OPCML: variants seen among roughly 807,000 people sequenced by gnomAD.
The protein encoded by OPCML is opioid binding protein/cell adhesion molecule like, also known as opioid-binding protein/cell adhesion molecule.
OPCML carries 13 observed loss-of-function variants against 37.8 expected under a neutral mutation model. The observed-to-expected ratio is 0.34, with a 90% CI of 0.22 to 0.55. The LOEUF (loss-of-function observed/expected upper bound fraction) is 0.55, where lower values mean the gene tolerates loss of function less well. OPCML is among the 20% of genes least tolerant of loss of function. The probability of loss-of-function intolerance (pLI) is 0.91; values close to 1 mark genes in which losing one functional copy is unlikely to be tolerated. For missense variants in OPCML, 341 were observed against 435.6 expected (o/e 0.78, Z 1.93); for synonymous variants, 176 against 168.8 (o/e 1.04, Z -0.33).
chr11:132,589,746 C>G (rs920730444), intron 3 of OPCML, among the ~76,000 whole-genome samples: 1 of 151,858 alleles, frequency 6.6e-6, no homozygotes, highest in African/African-American at 2.4e-5. Flanking sequence ...GGCAGAGTGA[C>G]TGGAGCATAG....
Position 132,557,860 on chromosome 11 carries a change from A to G in OPCML, c.380-28674T>C, listed in dbSNP as rs192121266. 1.5e-3 allele frequency among the ~76,000 whole-genome samples: 231 copies of G among 152,328 alleles called. 1 individual carries two copies. Among genetic ancestry groups the G allele is most frequent in the African/African-American group, 5.3e-3 (219 of 41,572 alleles). The stretch of plus-strand genomic sequence containing the variant: ...TCAGAAAAGGCTCTGCAGAAGATGC[A>G]ACATTGTGGTCTTTTAGAGGTATTT... On this transcript the variant is annotated intron_variant, in intron 3 of 7. Coordinates refer to ENST00000524381, the MANE Select transcript of OPCML (RefSeq NM_001012393.5).
Position 132,509,781 on chromosome 11 carries a change from AG to A in OPCML, c.505+19279del, listed in dbSNP as rs539839849. 1.2e-4 allele frequency among the ~76,000 whole-genome samples: 19 copies of A among 152,304 alleles called. No individual in the cohort carries two copies. In the East Asian group the frequency reaches 3.7e-3, roughly 29 times the overall value. On this transcript the variant is annotated intron_variant, in intron 4 of 7. Coordinates refer to ENST00000524381, the MANE Select transcript of OPCML (RefSeq NM_001012393.5). ...GGATGCCCAGGCAAAAGTTTGCTGCAGGGGTGGGGCCCTCATGGAGAACCTC... is the reference window on the plus strand; with the variant it reads ...GGATGCCCAGGCAAAAGTTTGCTGCAGGGTGGGGCCCTCATGGAGAACCTC...
At chr11:133,510,138 C>T (rs555952358) in intron 1 of OPCML, among the ~76,000 whole-genome samples, 1 of 152,304 alleles carries the variant, frequency 6.6e-6, no homozygotes, top group South Asian at 2.1e-4. Context: ...CACTTCCTGA[C>T]ACACAAGTTT....
At chr11:133,219,191 G>T (rs1411981800) in intron 1 of OPCML, among the ~76,000 whole-genome samples, 1 of 152,164 alleles carries the variant, frequency 6.6e-6, no homozygotes, top group Non-Finnish European at 1.5e-5. Context: ...TCTATATCTA[G>T]TTTTGCAGTG....
At chr11:133,407,441 A>G (rs188521251) in intron 1 of OPCML, among the ~76,000 whole-genome samples, 217 of 152,234 alleles carry the variant, frequency 1.4e-3, no homozygotes, top group Non-Finnish European at 2.5e-3. Context: ...AGAGAGCTTC[A>G]TTATGGAAAC....
chr11:132,490,645 C>T (rs1327636186), intron 4 of OPCML, among the ~76,000 whole-genome samples: 1 of 151,804 alleles, frequency 6.6e-6, no homozygotes, highest in African/African-American at 2.4e-5. Flanking sequence ...AGTGAAACCC[C>T]GTCTCTACTA....
chr11:133,074,110 G>A (rs1215830386), intron 1 of OPCML, among the ~76,000 whole-genome samples: 3 of 152,124 alleles, frequency 2.0e-5, no homozygotes, highest in Non-Finnish European at 2.9e-5. Flanking sequence ...AGAGCCCTTG[G>A]GGCCATACAG....
chr11:133,474,272 C>CAG (rs1947184428), intron 1 of OPCML, among the ~76,000 whole-genome samples: 1 of 152,172 alleles, frequency 6.6e-6, no homozygotes, highest in Non-Finnish European at 1.5e-5. Flanking sequence ...TATAAAGGAC[C>CAG]AGAGCCCAGA....
At chr11:133,278,183 A>G (rs551522292) in intron 1 of OPCML, among the ~76,000 whole-genome samples, 6 of 152,220 alleles carry the variant, frequency 3.9e-5, no homozygotes, top group African/African-American at 1.4e-4. Flanking sequence ...TTGGCATGGG[A>G]AGCACCCAAA....
At chr11:132,821,859 G>A (rs771434883) in intron 2 of OPCML, among the ~76,000 whole-genome samples, 13 of 151,986 alleles carry the variant, frequency 8.6e-5, no homozygotes, top group Non-Finnish European at 1.6e-4. Flanking sequence ...CATTGCACTC[G>A]GTTGGATTCA....
At chr11:132,545,605 C>A (rs2096366931) in intron 3 of OPCML, among the ~76,000 whole-genome samples, 1 of 152,182 alleles carries the variant, frequency 6.6e-6, no homozygotes, top group African/African-American at 2.4e-5. Context: ...TCCCTTTATT[C>A]CTACAGATTT....
intron 2 of OPCML, among the ~76,000 whole-genome samples, chr11:132,803,668 T>C (rs1938821975): frequency 6.6e-6 from 1 of 152,206 alleles, no homozygotes; most frequent in Non-Finnish European, 1.5e-5. Flanking sequence ...TCCCCTTGCT[T>C]AGTCACTACC....
chr11:133,170,896 GGTCA>G (rs1463713562), intron 1 of OPCML, among the ~76,000 whole-genome samples: 2 of 152,134 alleles, frequency 1.3e-5, no homozygotes, highest in East Asian at 1.9e-4. Context: ...GCAAAGAAGT[GGTCA>G]GTAAGGAGAA....
intron 4 of OPCML, among the ~76,000 whole-genome samples, chr11:132,481,216 G>T (rs932209316): frequency 2.0e-5 from 3 of 152,060 alleles, no homozygotes; most frequent in African/African-American, 4.8e-5. Context: ...CAAAATAAAG[G>T]GATGGAGGAA....
chr11:133,029,724 T>A (rs548244753), intron 1 of OPCML, among the ~76,000 whole-genome samples: 1 of 152,128 alleles, frequency 6.6e-6, no homozygotes, highest in South Asian at 2.1e-4. Context: ...TCAAAAAGTG[T>A]GAGGGGCAAG....
chr11:133,246,054 C>T (rs879465786), intron 1 of OPCML, among the ~76,000 whole-genome samples: 38 of 133,792 alleles, frequency 2.8e-4, no homozygotes, highest in Admixed American at 7.8e-4. Context: ...GTGCAGCAAC[C>T]GCCATGGCAC....
intron 2 of OPCML, among the ~76,000 whole-genome samples, chr11:132,724,304 C>A (rs1187499035): frequency 6.6e-6 from 1 of 152,146 alleles, no homozygotes; most frequent in Non-Finnish European, 1.5e-5. Flanking sequence ...TTCTTGCCCC[C>A]AGGTATAATG....
At chr11:132,622,779 C>T (rs1939499119) in intron 3 of OPCML, among the ~76,000 whole-genome samples, 1 of 152,114 alleles carries the variant, frequency 6.6e-6, no homozygotes, top group East Asian at 1.9e-4. Flanking sequence ...GCTGTAGTGC[C>T]CTTGTCTTGT....
intron 3 of OPCML, among the ~76,000 whole-genome samples, chr11:132,570,863 C>T (rs1174557091): frequency 1.5e-5 from 2 of 137,792 alleles, no homozygotes; most frequent in African/African-American, 2.7e-5. Flanking sequence ...CCCCATTTTC[C>T]CTTCTCTTAC....
Sources: allele counts gnomAD v4.1 joint callset (sites outside exome capture counted in the v4.1 genomes callset), GRCh38; gene constraint gnomAD v4.1.1; transcripts MANE v1.5; gene names NCBI Gene and HGNC (gene_info 2026-07-23, HGNC 2026-07-21).